Variants in MYO1D observed in about 807,000 individuals in gnomAD.
The protein encoded by MYO1D is myosin ID, also known as unconventional myosin-Id.
In MYO1D, 83 loss-of-function variants were observed where a neutral mutation model predicts 122.0. The observed-to-expected ratio is 0.68, with a 90% CI of 0.57 to 0.82. The LOEUF is 0.82. MYO1D is among the 40% of genes least tolerant of loss of function. The pLI, the probability that MYO1D is intolerant of heterozygous loss-of-function variation, is 0.00. For missense variants in MYO1D, 1,157 were observed against 1,269.5 expected, an observed-to-expected ratio of 0.91 and a Z score of 1.35; for synonymous variants, 464 against 446.9, an observed-to-expected ratio of 1.04 and a Z score of -0.48.
At chr17:32,641,583 T>C (rs929766313) in intron 19 of MYO1D, among the ~76,000 whole-genome samples, 4 of 152,212 alleles carry the variant, frequency 2.6e-5, no homozygotes, top group Admixed American at 2.6e-4. Context: ...CTCCACATCC[T>C]CTCCAGCACC....
intron 14 of MYO1D, among the ~76,000 whole-genome samples, chr17:32,733,733 G>T (rs1320001583): frequency 2.0e-5 from 3 of 152,110 alleles, no homozygotes; most frequent in Admixed American, 6.5e-5. Context: ...AGCTTTAGGG[G>T]TTTTTTCCTT....
chr17:32,552,755 C>T (rs2087029677), intron 21 of MYO1D, among the ~76,000 whole-genome samples: 1 of 152,180 alleles, frequency 6.6e-6, no homozygotes, highest in Non-Finnish European at 1.5e-5. Flanking sequence ...ACGATTATTT[C>T]CCTTGGATGT....
chr17:32,868,224 C>T (rs1368579579), intron 1 of MYO1D, among the ~76,000 whole-genome samples: 1 of 152,128 alleles, frequency 6.6e-6, no homozygotes, highest in Non-Finnish European at 1.5e-5. Flanking sequence ...GAGGGGTACC[C>T]ACTGAGTATC....
At chr17:32,756,401 T>C (rs41480146) in intron 10 of MYO1D, 5,327 of 207,334 alleles carry the variant, frequency 0.026, 105 homozygotes, top group Non-Finnish European at 0.04. Context: ...CCTCTTCAGA[T>C]ACTCTTGTGC....
chr17:32,638,310 G>A (rs1461000792), intron 20 of MYO1D, among the ~76,000 whole-genome samples: 1 of 152,020 alleles, frequency 6.6e-6, no homozygotes, highest in African/African-American at 2.4e-5. Context: ...CAAAATATAT[G>A]GTGAAAAGAA....
intron 16 of MYO1D, among the ~76,000 whole-genome samples, chr17:32,661,982 C>T (rs944268844): frequency 2.0e-5 from 3 of 152,072 alleles, no homozygotes; most frequent in African/African-American, 4.8e-5. Flanking sequence ...TAGTAACTGC[C>T]TTGTTTTTAA....
intron 21 of MYO1D, among the ~76,000 whole-genome samples, chr17:32,508,499 C>G (rs1909576899): frequency 6.6e-6 from 1 of 152,058 alleles, no homozygotes; most frequent in Non-Finnish European, 1.5e-5. Context: ...TGCTCTTGAA[C>G]TCATGACCTC....
At chr17:32,699,641 G>C (rs2089220677) in intron 16 of MYO1D, among the ~76,000 whole-genome samples, 2 of 152,052 alleles carry the variant, frequency 1.3e-5, no homozygotes, top group Admixed American at 6.5e-5. Flanking sequence ...GGTATTTAAG[G>C]GTGACAAAAG....
Position 32,751,099 on chromosome 17 carries a change from GTATT to G in MYO1D, c.1468-2097_1468-2094del, listed in dbSNP as rs1215143561. Among the ~76,000 whole-genome samples, 34 of 152,008 alleles carry G rather than the reference GTATT, an allele frequency of 2.2e-4. 1 individual carries two copies. The highest frequency in any genetic ancestry group is 2.2e-3 in the Admixed American group (34 of 15,284). On this transcript the variant is annotated intron_variant, in intron 11 of 21. Transcript: ENST00000318217. ...TATTTTTTTTGGTAATAGCAGTTAT[GTATT>G]TATCATTTAACTTTTTATATTAATA...
At chr17:32,803,195 T>C (rs1302539329) in intron 1 of MYO1D, among the ~76,000 whole-genome samples, 3 of 152,018 alleles carry the variant, frequency 2.0e-5, no homozygotes, top group Non-Finnish European at 2.9e-5. Flanking sequence ...CGCCCAGGCT[T>C]GAGTGCAGTG....
chr17:32,593,144 A>G (rs1393941112), intron 21 of MYO1D, among the ~76,000 whole-genome samples: 1 of 152,134 alleles, frequency 6.6e-6, no homozygotes, highest in African/African-American at 2.4e-5. Context: ...CAGTGGGAAC[A>G]TTTCCCTGGG....
chr17:32,647,092 G>T (rs981816059), intron 19 of MYO1D, among the ~76,000 whole-genome samples: 10 of 152,142 alleles, frequency 6.6e-5, no homozygotes, highest in African/African-American at 2.4e-4. Flanking sequence ...CACTACAAGT[G>T]ATCTGTCTAT....
chr17:32,741,824 T>G (rs570439698), intron 13 of MYO1D, among the ~76,000 whole-genome samples: 2 of 152,024 alleles, frequency 1.3e-5, no homozygotes, highest in Admixed American at 1.3e-4. Context: ...CCATCCTGGC[T>G]AACACAGTGA....
At chr17:32,639,432 G>A (rs951902083) in intron 19 of MYO1D, among the ~76,000 whole-genome samples, 1 of 151,248 alleles carries the variant, frequency 6.6e-6, no homozygotes, top group African/African-American at 2.4e-5. Flanking sequence ...TTATTAGACA[G>A]AGGGTCAGAG....
At chr17:32,576,292 C>T (rs11654699) in intron 21 of MYO1D, among the ~76,000 whole-genome samples, 62,398 of 151,980 alleles carry the variant, frequency 0.41, 14,064 homozygotes, top group Middle Eastern at 0.52. Flanking sequence ...GAACCTGGGT[C>T]TCCTGACCTT....
intron 16 of MYO1D, among the ~76,000 whole-genome samples, chr17:32,664,036 G>A (rs2034409628): frequency 6.6e-6 from 1 of 152,128 alleles, no homozygotes; most frequent in African/African-American, 2.4e-5. Flanking sequence ...ACACAATTCT[G>A]TGGGAAGGAA....
chr17:32,770,672 G>A (rs2090104323), intron 6 of MYO1D, among the ~76,000 whole-genome samples: 1 of 152,094 alleles, frequency 6.6e-6, no homozygotes, highest in South Asian at 2.1e-4. Flanking sequence ...TGCCTCAAAG[G>A]TCACAAAATT....
intron 1 of MYO1D, among the ~76,000 whole-genome samples, chr17:32,797,379 G>A (rs1304445847): frequency 6.6e-6 from 1 of 152,138 alleles, no homozygotes; most frequent in East Asian, 1.9e-4. Flanking sequence ...AAATCCTCAG[G>A]TACCCAGATA....
intron 16 of MYO1D, 198 bp from the exon 17 acceptor site, chr17:32,659,536 T>A (rs1567934842): frequency 3.3e-6 from 2 of 597,056 alleles, no homozygotes; most frequent in Non-Finnish European, 5.9e-6. Flanking sequence ...TCATTTTGTT[T>A]CAGCTGTCTA....
Sources: gnomAD v4.1 joint callset for allele counts (sites outside exome capture counted in the v4.1 genomes callset) on GRCh38, gnomAD v4.1.1 for gene constraint, MANE v1.5 for transcripts, NCBI Gene and HGNC (gene_info 2026-07-23, HGNC 2026-07-21) for gene names.